Variants in RHPN2 observed in about 807,000 individuals in gnomAD.
RHPN2 encodes rhophilin Rho GTPase binding protein 2.
A neutral mutation model predicts 79.0 loss-of-function variants in RHPN2; 40 were observed. That is an observed-to-expected ratio of 0.51 (90% confidence interval 0.39 to 0.66). The LOEUF is 0.66. Ranked by LOEUF, RHPN2 falls within the 30% of genes least tolerant of loss-of-function variation. RHPN2 has a pLI of 0.00. For missense variants in RHPN2, 686 were observed against 883.5 expected (o/e 0.78, Z 2.83); for synonymous variants, 285 against 363.5 (o/e 0.78, Z 2.46).
intron 2 of RHPN2, among the ~76,000 whole-genome samples, chr19:33,035,253 C>T (rs979045727): frequency 7.2e-5 from 11 of 152,150 alleles, no homozygotes; most frequent in Non-Finnish European, 1.3e-4. Flanking sequence ...AGGCGTGAGC[C>T]ACCACACCCA....
intron 13 of RHPN2, 113 bp from the exon 14 acceptor site, chr19:32,990,782 C>T: frequency 7.8e-7 from 1 of 1,277,164 alleles, no homozygotes; most frequent in South Asian, 1.3e-5. Flanking sequence ...AGCAAAAATT[C>T]ACTTTGGGTG....
intron 13 of RHPN2, among the ~76,000 whole-genome samples, chr19:32,990,983 C>A (rs1182104454): frequency 6.8e-6 from 1 of 147,882 alleles, no homozygotes; most frequent in Non-Finnish European, 1.5e-5. Context: ...GAGCCGAGAT[C>A]GTGCCACTGC....
intron 5 of RHPN2, 73 bp from the exon 6 acceptor site, chr19:33,011,876 T>C: frequency 6.3e-7 from 1 of 1,599,344 alleles, no homozygotes; most frequent in Non-Finnish European, 8.6e-7. Flanking sequence ...GAAGGTGCCC[T>C]GCACATACCA....
intron 7 of RHPN2, among the ~76,000 whole-genome samples, chr19:33,004,281 C>G (rs1465909990): frequency 6.6e-6 from 1 of 152,158 alleles, no homozygotes. Context: ...TTCAAGTGAT[C>G]CTCCTGACTC....
chr19:33,006,135 C>A (rs182347999), intron 7 of RHPN2, among the ~76,000 whole-genome samples: 4 of 152,154 alleles, frequency 2.6e-5, no homozygotes, highest in Admixed American at 2.0e-4. Context: ...CCACCTCAGC[C>A]TCCTAAAGTG....
intron 9 of RHPN2, 146 bp downstream of exon 9, chr19:33,002,101 T>G: frequency 5.1e-6 from 5 of 982,464 alleles, no homozygotes; most frequent in Non-Finnish European, 7.9e-6. Context: ...GTGCGGCAGC[T>G]GCCTCAGTCA....
intron 1 of RHPN2, among the ~76,000 whole-genome samples, chr19:33,060,689 T>C (rs1487481448): frequency 6.6e-6 from 1 of 152,134 alleles, no homozygotes; most frequent in Non-Finnish European, 1.5e-5. Flanking sequence ...CACAACACTA[T>C]GCCAGGCTGA....
intron 2 of RHPN2, among the ~76,000 whole-genome samples, chr19:33,032,146 G>A (rs1187058501): frequency 2.0e-5 from 3 of 149,184 alleles, no homozygotes; most frequent in Admixed American, 1.4e-4. Context: ...TCAGGCTCCC[G>A]AGTAGCTGGG....
At chr19:33,017,309 G>A (rs1395342722) in intron 4 of RHPN2, among the ~76,000 whole-genome samples, 2 of 152,042 alleles carry the variant, frequency 1.3e-5, no homozygotes, top group African/African-American at 4.8e-5. Flanking sequence ...AGGAGGCAGA[G>A]GTTGCAGTGA....
At chr19:32,993,324 A>C (rs1971675976) in intron 12 of RHPN2, among the ~76,000 whole-genome samples, 1 of 151,784 alleles carries the variant, frequency 6.6e-6, no homozygotes, top group African/African-American at 2.4e-5. Context: ...AAAATACAAA[A>C]TTAGCTGAGC....
chr19:33,001,569 C>T (rs1344779304), intron 9 of RHPN2, among the ~76,000 whole-genome samples: 1 of 151,682 alleles, frequency 6.6e-6, no homozygotes, highest in Non-Finnish European at 1.5e-5. Flanking sequence ...AATAAAATTC[C>T]GATCATCACA....
chr19:33,025,162 C>T (rs186899156), intron 3 of RHPN2, among the ~76,000 whole-genome samples: 16 of 152,088 alleles, frequency 1.1e-4, no homozygotes, highest in Admixed American at 1.0e-3. Context: ...GAGAATGATA[C>T]AATAGAGTGC....
intron 9 of RHPN2, among the ~76,000 whole-genome samples, 190 bp from the exon 10 acceptor site, chr19:32,999,895 C>T (rs562763961): frequency 6.6e-5 from 10 of 152,084 alleles, no homozygotes; most frequent in South Asian, 4.1e-4. Flanking sequence ...TTCTTTGAGA[C>T]GGTCTCACTC....
At chr19:33,043,508 C>T (rs529314056) in intron 2 of RHPN2, among the ~76,000 whole-genome samples, 9 of 152,130 alleles carry the variant, frequency 5.9e-5, no homozygotes, top group East Asian at 1.9e-4. Context: ...GCCGAGATCA[C>T]GCCACTGCAC....
intron 1 of RHPN2, among the ~76,000 whole-genome samples, chr19:33,052,224 C>G (rs577439846): frequency 6.6e-6 from 1 of 152,270 alleles, no homozygotes; most frequent in East Asian, 1.9e-4. Context: ...GGGCCCTGCT[C>G]CATTCTGGGC....
intron 1 of RHPN2, among the ~76,000 whole-genome samples, chr19:33,050,500 C>T (rs914512027): frequency 3.3e-5 from 5 of 152,148 alleles, no homozygotes; most frequent in African/African-American, 1.2e-4. Flanking sequence ...ATACAGAACA[C>T]AGAACATTTC....
At position 33,034,238 on chromosome 19, in the gene RHPN2, C is replaced by G. The variant is rs548750775; in HGVS notation, c.186-7606G>C. 3.1e-3 allele frequency among the ~76,000 whole-genome samples: 471 copies of G among 151,762 alleles called. 4 individuals carry two copies. Among genetic ancestry groups the G allele is most frequent in the Admixed American group, 0.028 (433 of 15,238 alleles). The stretch of plus-strand genomic sequence containing the variant: ...CTGTAACCCCAGCACTTTGGGAGGC[C>G]AAGGTGGGCGGATCACGAGGTCTGG... On this transcript the variant is annotated intron_variant, in intron 2 of 14. Transcript: ENST00000254260.
chr19:32,990,030 G>A (rs1401137704), intron 14 of RHPN2, among the ~76,000 whole-genome samples: 4 of 151,976 alleles, frequency 2.6e-5, no homozygotes, highest in Admixed American at 6.6e-5. Context: ...GTGTGAACCC[G>A]GAAGGCAGAG....
intron 7 of RHPN2, among the ~76,000 whole-genome samples, chr19:33,004,523 G>A (rs1971775359): frequency 6.6e-6 from 1 of 151,948 alleles, no homozygotes; most frequent in African/African-American, 2.4e-5. Context: ...GTAATTTTAT[G>A]TTCTGTGTTA....
Sources: gnomAD v4.1 joint callset for allele counts (sites outside exome capture counted in the v4.1 genomes callset) on GRCh38, gnomAD v4.1.1 for gene constraint, MANE v1.5 for transcripts, NCBI Gene and HGNC (gene_info 2026-07-23, HGNC 2026-07-21) for gene names.